DCLK2: variants seen among roughly 807,000 people sequenced by gnomAD.
DCLK2 encodes the protein doublecortin like kinase 2.
DCLK2 carries 31 observed loss-of-function variants against 78.4 expected under a neutral mutation model. That is an observed-to-expected ratio of 0.40 (90% CI 0.30 to 0.53). DCLK2 has a LOEUF of 0.53. Ranked by LOEUF, DCLK2 falls within the 20% of genes least tolerant of loss-of-function variation. DCLK2 has a pLI of 0.61. For synonymous variants in DCLK2, 407 were observed against 374.9 expected (o/e 1.09, Z -0.99); for missense variants, 872 against 973.7 (o/e 0.90, Z 1.39).
In DCLK2 at chr4:150,094,046, A is replaced by G. The variant is rs145420018; in HGVS notation, c.422-8432A>G. ...GAAACTGAAACCTGGAACCTTATAC[A>G]TAAAAACCAACTCAAAATAATTTAA... is the stretch of plus-strand genomic sequence containing the variant. On this transcript the variant is annotated intron_variant, in intron 1 of 15. Coordinates refer to ENST00000296550, the MANE Select transcript of DCLK2 (RefSeq NM_001040260.4). Among the ~76,000 whole-genome samples, 452 of 152,320 alleles carry G rather than the reference A, an allele frequency of 3.0e-3. 4 individuals are homozygous for G. The highest frequency in any genetic ancestry group is 0.01 in the African/African-American group (432 of 41,580).
At chr4:150,191,954 GTTGT>G (rs1361523775) in intron 2 of DCLK2, among the ~76,000 whole-genome samples, 1 of 152,172 alleles carries the variant, frequency 6.6e-6, no homozygotes, top group Admixed American at 6.5e-5. Flanking sequence ...GTACTAGAGT[GTTGT>G]TTGTTTTTTC....
At chr4:150,251,985 T>C (rs903560787) in intron 15 of DCLK2, among the ~76,000 whole-genome samples, 45 of 152,070 alleles carry the variant, frequency 3.0e-4, no homozygotes, top group African/African-American at 1.0e-3. Flanking sequence ...GCAAGCTGAG[T>C]CTTTTGATGG....
In DCLK2 at chr4:150,239,797, C is replaced by G; in HGVS notation, c.1622C>G (p.Ala541Gly). The G allele has an allele frequency of 6.2e-7, 1 of 1,614,160 alleles. No homozygotes were observed. The highest frequency in any genetic ancestry group is 1.3e-5 in the African/African-American group (1 of 75,032). ...KSLKLGDFGL[A>G]TVVEGPLYTV... ...TTGAAACTGGGAGACTTTGGGCTTGCGACTGTGGTAGAAGGCCCTTTATAC... is the reference window on the plus strand; with the variant it reads ...TTGAAACTGGGAGACTTTGGGCTTGGGACTGTGGTAGAAGGCCCTTTATAC... The change falls in exon 11 of 16, where the codon GCG becomes GGG. Residue 541 changes from alanine (A) to glycine (G), a missense_variant. Coordinates refer to ENST00000296550, the MANE Select transcript of DCLK2 (RefSeq NM_001040260.4).
intron 2 of DCLK2, among the ~76,000 whole-genome samples, chr4:150,110,665 C>T (rs1349847491): frequency 6.6e-6 from 1 of 152,050 alleles, no homozygotes; most frequent in Non-Finnish European, 1.5e-5. Flanking sequence ...TCTCTAAAGT[C>T]CTTTTTACCA....
At chr4:150,125,760 A>T (rs368722131) in intron 2 of DCLK2, among the ~76,000 whole-genome samples, 3 of 151,906 alleles carry the variant, frequency 2.0e-5, no homozygotes, top group African/African-American at 7.3e-5. Flanking sequence ...GCGTGGTGGC[A>T]TGCACCTGTA....
intron 12 of DCLK2, among the ~76,000 whole-genome samples, chr4:150,246,047 C>CTT (rs35501963): frequency 3.5e-5 from 5 of 143,748 alleles, no homozygotes; most frequent in Admixed American, 2.8e-4. Context: ...AAACTCTACT[C>CTT]TTTTTTTTTT....
intron 12 of DCLK2, among the ~76,000 whole-genome samples, chr4:150,241,840 T>C (rs1370814306): frequency 6.6e-6 from 1 of 152,156 alleles, no homozygotes; most frequent in Non-Finnish European, 1.5e-5. Flanking sequence ...GTAAGGGCCC[T>C]AATCTTATTC....
At chr4:150,235,441 T>C (rs1198343983) in intron 10 of DCLK2, among the ~76,000 whole-genome samples, 1 of 152,116 alleles carries the variant, frequency 6.6e-6, no homozygotes, top group African/African-American at 2.4e-5. Flanking sequence ...AATCAGGAAA[T>C]CAGAGTCACA....
chr4:150,079,329 C>T lies in DCLK2; in HGVS notation c.302C>T (p.Ala101Val), dbSNP rs775088822. 6 of 1,589,028 alleles carry T rather than the reference C, an allele frequency of 3.8e-6. No homozygotes were observed. In the African/African-American group the frequency reaches 5.4e-5, roughly 14 times the overall value. Residue 101 changes from alanine (A) to valine (V), a missense_variant, in exon 1 of 16, where the codon GCG becomes GTG. By Grantham distance (64) the Ala-to-Val change is moderately conservative. This residue lies in a region of DCLK2 where 567 missense variants were observed against 593.4 expected (regional missense o/e 0.96). Coordinates refer to ENST00000296550, the MANE Select transcript of DCLK2 (RefSeq NM_001040260.4). ...AGCGACCGCTTCCGGTCCTTCGATG[C>T]GCTCCTCATAGAGCTCACCCGCTCC... ...ISSDRFRSFD[A>V]LLIELTRSLS...
chr4:150,240,317 CAAAT>C lies in DCLK2; in HGVS notation c.1701-78_1701-75del, dbSNP rs1742820928. 4.4e-6 allele frequency: 5 copies of C among 1,133,546 alleles called. 1 individual carries two copies. Among genetic ancestry groups the C allele is most frequent in the Admixed American group, 4.0e-5 (2 of 50,392 alleles). The allele number at this position is 1,133,546 out of a possible 1,614,324, so 70.2% of individuals were successfully genotyped here. ...AACACTAAAATAATCCTTTTCCTAA[CAAAT>C]AAAGGCAATACTCCAGTACCATGGA... On this transcript the variant is annotated intron_variant, in intron 11 of 15. Transcript: ENST00000296550.
At chr4:150,253,351 C>G (rs1382561542) in intron 15 of DCLK2, 3 of 1,028,276 alleles carry the variant, frequency 2.9e-6, no homozygotes, top group Non-Finnish European at 4.0e-6. Flanking sequence ...TGCTGTCACC[C>G]TAGTGTTCTC....
chr4:150,175,133 A>AT (rs1236672533), intron 2 of DCLK2, among the ~76,000 whole-genome samples: 1 of 103,952 alleles, frequency 9.6e-6, no homozygotes, highest in African/African-American at 4.1e-5. Flanking sequence ...ATATATATAT[A>AT]ATTTATGTAT....
chr4:150,215,908 G>C (rs1740678592), intron 5 of DCLK2, among the ~76,000 whole-genome samples: 2 of 152,222 alleles, frequency 1.3e-5, no homozygotes, highest in Non-Finnish European at 2.9e-5. Context: ...GAGGGCAGGA[G>C]AAGGTCAGAG....
chr4:150,201,775 C>T (rs1405828357), intron 4 of DCLK2, among the ~76,000 whole-genome samples: 2 of 150,802 alleles, frequency 1.3e-5, no homozygotes, highest in Non-Finnish European at 2.9e-5. Context: ...GTGATCTGTG[C>T]AGATTGCTGT....
intron 8 of DCLK2, among the ~76,000 whole-genome samples, chr4:150,230,065 A>C (rs1346919797): frequency 6.6e-6 from 1 of 150,584 alleles, no homozygotes; most frequent in Admixed American, 6.7e-5. Flanking sequence ...TTTTACAGGG[A>C]CAGCAAGAGG....
intron 12 of DCLK2, among the ~76,000 whole-genome samples, chr4:150,242,548 G>A (rs1743003602): frequency 6.6e-6 from 1 of 152,154 alleles, no homozygotes; most frequent in South Asian, 2.1e-4. Flanking sequence ...GGCTCAGCAG[G>A]GGCTTGATGG....
chr4:150,169,397 G>A (rs1328403675), intron 2 of DCLK2, among the ~76,000 whole-genome samples: 1 of 152,204 alleles, frequency 6.6e-6, no homozygotes, highest in East Asian at 1.9e-4. Flanking sequence ...AGTGGCTCAC[G>A]CCTGTAATCC....
chr4:150,226,486 G>A (rs1396998877), intron 8 of DCLK2, among the ~76,000 whole-genome samples: 2 of 151,320 alleles, frequency 1.3e-5, no homozygotes, highest in African/African-American at 4.9e-5. Flanking sequence ...GGTGAGCCAG[G>A]TTCTGTAGAA....
At chr4:150,160,002 T>TA in intron 2 of DCLK2, among the ~76,000 whole-genome samples, 1 of 152,070 alleles carries the variant, frequency 6.6e-6, no homozygotes, top group East Asian at 1.9e-4. Flanking sequence ...CTTTTTTTTT[T>TA]TTAATTTTTA....
Sources: allele counts gnomAD v4.1 joint callset (sites outside exome capture counted in the v4.1 genomes callset), GRCh38; gene constraint gnomAD v4.1.1; regional missense constraint gnomAD v4.1.1; transcripts MANE v1.5; gene names NCBI Gene and HGNC (gene_info 2026-07-23, HGNC 2026-07-21).